Variants in FGF1 observed in about 807,000 individuals in gnomAD.
FGF1 encodes beta-endothelial cell growth factor.
A neutral mutation model predicts 13.4 loss-of-function variants in FGF1; 9 were observed. The ratio of observed to expected loss-of-function variants is 0.67; its 90% CI spans 0.40 to 1.17. The LOEUF is 1.17. Among genes scored for constraint, FGF1 ranks in the 50% most tolerant of loss-of-function variants. The pLI, the probability that FGF1 is intolerant of heterozygous loss-of-function variation, is 0.01. For synonymous variants in FGF1, 93 were observed against 79.0 expected (o/e 1.18, Z -0.94); for missense variants, 156 against 192.7 (o/e 0.81, Z 1.13).
At chr5:142,693,952 T>C (rs1752653642) in intron 2 of FGF1, among the ~76,000 whole-genome samples, 1 of 152,200 alleles carries the variant, frequency 6.6e-6, no homozygotes, top group East Asian at 1.9e-4. Flanking sequence ...TTCTTCTGTT[T>C]GGCTATTATT....
At chr5:142,676,227 A>G (rs1772571090) in intron 1 of FGF1, among the ~76,000 whole-genome samples, 1 of 152,210 alleles carries the variant, frequency 6.6e-6, no homozygotes, top group Non-Finnish European at 1.5e-5. Flanking sequence ...AAGACTTCCA[A>G]AAAACCTTTG....
chr5:142,669,319 C>T (rs1016389603), intron 1 of FGF1, among the ~76,000 whole-genome samples: 7 of 152,324 alleles, frequency 4.6e-5, no homozygotes, highest in Admixed American at 2.6e-4. Flanking sequence ...CTCTGAAAAG[C>T]TCATCAGCCC....
intron 2 of FGF1, among the ~76,000 whole-genome samples, chr5:142,696,894 G>C (rs1753191928): frequency 6.6e-6 from 1 of 152,214 alleles, no homozygotes; most frequent in Non-Finnish European, 1.5e-5. Flanking sequence ...CTACATCCAG[G>C]ATAACAGTTT....
chr5:142,646,130 C>T (rs570644757), intron 1 of FGF1, among the ~76,000 whole-genome samples: 5 of 150,600 alleles, frequency 3.3e-5, no homozygotes, highest in Non-Finnish European at 4.4e-5. Flanking sequence ...AGGATGGTCT[C>T]GATCTCCTGA....
intron 2 of FGF1, among the ~76,000 whole-genome samples, chr5:142,692,761 C>T (rs886757385): frequency 2.6e-5 from 4 of 151,092 alleles, no homozygotes; most frequent in African/African-American, 7.4e-5. Context: ...ACAAGATGCC[C>T]CAGGCACACT....
chr5:142,675,055 G>A (rs1055149259), intron 1 of FGF1, among the ~76,000 whole-genome samples: 2 of 152,158 alleles, frequency 1.3e-5, no homozygotes, highest in Admixed American at 1.3e-4. Flanking sequence ...GGCGTGAGGT[G>A]GGGAGGGTCA....
chr5:142,667,413 C>T (rs1770603317), intron 1 of FGF1, among the ~76,000 whole-genome samples: 1 of 151,672 alleles, frequency 6.6e-6, no homozygotes, highest in Non-Finnish European at 1.5e-5. Flanking sequence ...GGTGAAACCC[C>T]GTCTCTACTA....
At chr5:142,597,114 CTT>C (rs1274259180) in intron 3 of FGF1, among the ~76,000 whole-genome samples, 1 of 152,132 alleles carries the variant, frequency 6.6e-6, no homozygotes, top group Non-Finnish European at 1.5e-5. Context: ...ATTTGCAAGA[CTT>C]AGAATGTGGG....
intron 2 of FGF1, among the ~76,000 whole-genome samples, chr5:142,604,333 T>C (rs921311201): frequency 6.6e-6 from 1 of 152,234 alleles, no homozygotes; most frequent in Non-Finnish European, 1.5e-5. Flanking sequence ...CCTTCACATA[T>C]ACTTTTGTGT....
Position 142,648,193 on chromosome 5 carries a change from T to A in FGF1, c.-34-34032A>T, listed in dbSNP as rs1032427885. ...ACTGTGTTCACACCAAGAGAACAAG[T>A]GTCTTCACACACACGTATGTTTATT... On this transcript the variant is annotated intron_variant, in intron 1 of 3. Transcript: ENST00000337706. 2.0e-5 allele frequency among the ~76,000 whole-genome samples: 3 copies of A among 152,196 alleles called. No homozygotes were observed. In the East Asian group the frequency reaches 5.8e-4, roughly 29 times the overall value.
At chr5:142,688,183 G>A (rs1751565178), upstream of FGF1, among the ~76,000 whole-genome samples, 1 of 152,118 alleles carries the variant, frequency 6.6e-6, no homozygotes, top group South Asian at 2.1e-4. Context: ...TTGGGTGTTT[G>A]GCAATATTAC....
intron 1 of FGF1, among the ~76,000 whole-genome samples, chr5:142,614,871 A>T (rs745377596): frequency 2.3e-4 from 35 of 152,194 alleles, no homozygotes; most frequent in Non-Finnish European, 3.1e-4. Context: ...GTTCCTGCCC[A>T]TTCTGCAGCT....
At chr5:142,635,448 A>G (rs1764094461) in intron 1 of FGF1, among the ~76,000 whole-genome samples, 1 of 152,226 alleles carries the variant, frequency 6.6e-6, no homozygotes, top group South Asian at 2.1e-4. Context: ...AATAAAATGA[A>G]TAGAATATGC....
intron 1 of FGF1, chr5:142,680,897 C>G (rs948625134): frequency 6.6e-6 from 1 of 152,180 alleles, no homozygotes; most frequent in Non-Finnish European, 1.5e-5. Context: ...CCAGAAAATG[C>G]AGAATCCTGG....
At chr5:142,600,523 A>G (rs1388355431) in intron 3 of FGF1, among the ~76,000 whole-genome samples, 179 bp downstream of exon 3, 1 of 152,224 alleles carries the variant, frequency 6.6e-6, no homozygotes, top group Non-Finnish European at 1.5e-5. Flanking sequence ...AGAGAATACT[A>G]CAAGAAACTC....
chr5:142,695,305 T>C (rs1752922202), intron 2 of FGF1, among the ~76,000 whole-genome samples: 1 of 152,206 alleles, frequency 6.6e-6, no homozygotes, highest in African/African-American at 2.4e-5. Context: ...CTGGGCGCAG[T>C]GGCTTATGCC....
intron 1 of FGF1, among the ~76,000 whole-genome samples, chr5:142,640,428 G>GGGC (rs1554084933): frequency 1.4e-5 from 2 of 142,322 alleles, no homozygotes; most frequent in African/African-American, 5.2e-5. Context: ...GAGTATGGTG[G>GGGC]GGGGGGGGGT....
chr5:142,620,215 A>G (rs1597163135), intron 1 of FGF1, among the ~76,000 whole-genome samples: 1 of 152,176 alleles, frequency 6.6e-6, no homozygotes, highest in South Asian at 2.1e-4. Flanking sequence ...AAGGAGATCG[A>G]GACCATCCTG....
intron 1 of FGF1, among the ~76,000 whole-genome samples, chr5:142,641,689 T>TA (rs1765225840): frequency 6.6e-6 from 1 of 152,092 alleles, no homozygotes. Context: ...CACCACCGTA[T>TA]AAACAGTGTT....
Sources: allele counts gnomAD v4.1 joint callset (sites outside exome capture counted in the v4.1 genomes callset), GRCh38; gene constraint gnomAD v4.1.1; transcripts MANE v1.5; gene names NCBI Gene and HGNC (gene_info 2026-07-23, HGNC 2026-07-21).